STK10: variants seen among roughly 807,000 people sequenced by gnomAD.
STK10 encodes the protein serine/threonine kinase 10.
Under a neutral mutation model 113.8 loss-of-function variants are expected in STK10, and 78 were observed. The ratio of observed to expected loss-of-function variants is 0.69; its 90% CI spans 0.57 to 0.83. The LOEUF (loss-of-function observed/expected upper bound fraction) is 0.83, where lower values mean the gene tolerates loss of function less well. Among genes scored for constraint, STK10 ranks in the 40% least tolerant of loss-of-function variants. The pLI is 0.00. For synonymous variants in STK10, 465 were observed against 494.7 expected, an observed-to-expected ratio of 0.94 and a Z score of 0.80; for missense variants, 1,109 against 1,280.1, an observed-to-expected ratio of 0.87 and a Z score of 2.04.
chr5:172,112,189 T>G (rs1233232038), intron 4 of STK10, among the ~76,000 whole-genome samples: 2 of 152,216 alleles, frequency 1.3e-5, no homozygotes, highest in Non-Finnish European at 1.5e-5. Context: ...GCTGACTGAC[T>G]GATGAGTCTT....
chr5:172,071,221 A>AG (rs1768173273), intron 12 of STK10, among the ~76,000 whole-genome samples: 2 of 89,500 alleles, frequency 2.2e-5, no homozygotes, highest in Non-Finnish European at 4.4e-5. Flanking sequence ...TCAAAAAAAA[A>AG]AAAAAAAAAA....
At chr5:172,165,981 C>A (rs575582147) in intron 1 of STK10, among the ~76,000 whole-genome samples, 62 of 152,188 alleles carry the variant, frequency 4.1e-4, no homozygotes, top group African/African-American at 1.4e-3. Flanking sequence ...TTAGTGGCGA[C>A]GGGGTTTCTC....
At chr5:172,127,285 G>T in intron 3 of STK10, 88 bp downstream of exon 3, 1 of 1,462,104 alleles carries the variant, frequency 6.8e-7, no homozygotes, top group Non-Finnish European at 9.5e-7. Flanking sequence ...GGAGGTCCCA[G>T]TCCTAGACAG....
At chr5:172,102,588 T>G (rs6891423) in intron 7 of STK10, among the ~76,000 whole-genome samples, 18,438 of 151,886 alleles carry the variant, frequency 0.12, 1,172 homozygotes, top group Non-Finnish European at 0.13. Flanking sequence ...AGGAGAGGCT[T>G]ATGACCAAGG....
chr5:172,073,383 C>A (rs756457262), intron 12 of STK10, among the ~76,000 whole-genome samples: 2 of 152,078 alleles, frequency 1.3e-5, no homozygotes, highest in Non-Finnish European at 2.9e-5. Context: ...AACTCCTGAC[C>A]TCAAGTGGTC....
At chr5:172,090,752 C>T (rs1489411734) in intron 9 of STK10, among the ~76,000 whole-genome samples, 3 of 151,732 alleles carry the variant, frequency 2.0e-5, no homozygotes, top group Admixed American at 6.6e-5. Context: ...CTGGCCAACA[C>T]AGTGAAACCC....
At chr5:172,140,847 C>T (rs775291544) in intron 2 of STK10, among the ~76,000 whole-genome samples, 3 of 152,026 alleles carry the variant, frequency 2.0e-5, no homozygotes, top group South Asian at 4.1e-4. Flanking sequence ...TCATAAAAGC[C>T]GAGATGTAGA....
At chr5:172,106,977 T>A in intron 5 of STK10, 163 bp from the exon 6 acceptor site, 2 of 651,110 alleles carry the variant, frequency 3.1e-6, no homozygotes, top group Non-Finnish European at 4.9e-6. Flanking sequence ...TAGGACGCTC[T>A]TCCACAGAAA....
chr5:172,055,316 C>T (rs145237781), intron 16 of STK10, among the ~76,000 whole-genome samples: 1,565 of 152,186 alleles, frequency 0.01, 16 homozygotes, highest in South Asian at 0.036. Context: ...CCTCCCACCT[C>T]GGCCTTCCAA....
chr5:172,089,335 C>A lies in STK10; in HGVS notation c.1685+897G>T, dbSNP rs115159672. Among the ~76,000 whole-genome samples, 1,029 of 152,150 alleles carry A rather than the reference C, an allele frequency of 6.8e-3. 7 individuals are homozygous for A. The highest frequency in any genetic ancestry group is 0.024 in the African/African-American group (974 of 41,438). ...CCATTAGGTGTAAGTTCTACAAGGG[C>A]AATGGCCTTATCTATTTGGGTCACC... is the stretch of plus-strand genomic sequence containing the variant. On this transcript the variant is annotated intron_variant, in intron 10 of 18. Coordinates refer to ENST00000176763, the MANE Select transcript of STK10 (RefSeq NM_005990.4).
intron 10 of STK10, among the ~76,000 whole-genome samples, chr5:172,088,236 G>C (rs1213933768): frequency 6.6e-6 from 1 of 151,996 alleles, no homozygotes; most frequent in Non-Finnish European, 1.5e-5. Flanking sequence ...AAAAAAATAT[G>C]AGTATTAGGC....
At chr5:172,112,834 C>T (rs2113772358) in intron 4 of STK10, among the ~76,000 whole-genome samples, 1 of 152,014 alleles carries the variant, frequency 6.6e-6, no homozygotes, top group East Asian at 1.9e-4. Context: ...GCAACCTCCA[C>T]CTTCCGGGTT....
At chr5:172,156,891 A>G in intron 1 of STK10, 103 bp from the exon 2 acceptor site, 1 of 1,342,800 alleles carries the variant, frequency 7.4e-7, no homozygotes, top group Non-Finnish European at 1.0e-6. Context: ...CAGAGGCCGG[A>G]TGTCCAGATG....
chr5:172,070,404 AG>A lies in STK10; in HGVS notation c.1990-5593del, dbSNP rs577066846. The stretch of plus-strand genomic sequence containing the variant: ...AGCTTTTAAATAACCTGGGTCAAAG[AG>A]GAAGTTGCAAAGGAAATTAAAAAGT... On this transcript the variant is annotated intron_variant, in intron 12 of 18. Coordinates refer to ENST00000176763, the MANE Select transcript of STK10 (RefSeq NM_005990.4). Among the ~76,000 whole-genome samples, 168 of 152,072 alleles carry A rather than the reference AG, an allele frequency of 1.1e-3. 1 individual carries two copies. The highest frequency in any genetic ancestry group is 4.0e-3 in the African/African-American group (165 of 41,540).
intron 14 of STK10, among the ~76,000 whole-genome samples, chr5:172,060,786 A>G (rs1424597822): frequency 6.6e-6 from 1 of 152,212 alleles, no homozygotes; most frequent in Non-Finnish European, 1.5e-5. Flanking sequence ...ATTTGATGAG[A>G]TAAAGGTAGA....
At chr5:172,156,017 G>A (rs183308160) in intron 2 of STK10, among the ~76,000 whole-genome samples, 1 of 151,322 alleles carries the variant, frequency 6.6e-6, no homozygotes. Context: ...AAGAAGTTGA[G>A]GGGTGTTGCT....
chr5:172,073,793 C>CAAAAAAAAAAAAAAAA (rs60492751), intron 12 of STK10, among the ~76,000 whole-genome samples: 4 of 58,442 alleles, frequency 6.8e-5, no homozygotes, highest in African/African-American at 1.7e-4. Flanking sequence ...CTAAAAATAG[C>CAAAAAAAAAAAAAAAA]AAAAAAAAAA....
At chr5:172,056,945 A>AGG (rs1561789912) in intron 15 of STK10, 22 of 96,846 alleles carry the variant, frequency 2.3e-4, no homozygotes, top group African/African-American at 1.0e-3. Context: ...AAAAGAAAGA[A>AGG]AGAAAGAAGG....
At chr5:172,137,538 C>G (rs1404276823) in intron 2 of STK10, among the ~76,000 whole-genome samples, 2 of 151,800 alleles carry the variant, frequency 1.3e-5, no homozygotes, top group African/African-American at 2.4e-5. Context: ...ACTCAACAAA[C>G]AAAATAGAAG....
Sources: allele counts gnomAD v4.1 joint callset (sites outside exome capture counted in the v4.1 genomes callset), GRCh38; gene constraint gnomAD v4.1.1; transcripts MANE v1.5; gene names NCBI Gene and HGNC (gene_info 2026-07-23, HGNC 2026-07-21).